The following TDRD9 variants were observed in gnomAD, a reference collection of about 807,000 sequenced individuals.
TDRD9 encodes tudor domain containing 9, also known as ATP-dependent RNA helicase TDRD9.
A neutral mutation model predicts 172.6 loss-of-function variants in TDRD9; 124 were observed. That is an observed-to-expected ratio of 0.72 (90% CI 0.62 to 0.83). The LOEUF is 0.83. Among genes scored for constraint, TDRD9 ranks in the 40% least tolerant of loss-of-function variants. The pLI, the probability that TDRD9 is intolerant of heterozygous loss-of-function variation, is 0.00. For missense variants in TDRD9, 1,479 were observed against 1,714.1 expected (o/e 0.86, Z 2.42); for synonymous variants, 619 against 617.1 (o/e 1.00, Z -0.05).
intron 9 of TDRD9, among the ~76,000 whole-genome samples, chr14:103,993,626 C>T (rs890151518): frequency 3.3e-5 from 5 of 152,210 alleles, no homozygotes; most frequent in Non-Finnish European, 5.9e-5. Flanking sequence ...CCTAGTGCTC[C>T]TTGACCTGTG....
intron 2 of TDRD9, among the ~76,000 whole-genome samples, chr14:103,962,533 C>T (rs933377320): frequency 6.6e-6 from 1 of 152,104 alleles, no homozygotes; most frequent in Non-Finnish European, 1.5e-5. Context: ...AGGTTTGTTA[C>T]AAGAGTATAT....
chr14:103,934,164 G>T (rs113111113), intron 1 of TDRD9, among the ~76,000 whole-genome samples: 3,481 of 152,122 alleles, frequency 0.023, 79 homozygotes, highest in East Asian at 0.071. Flanking sequence ...CTACAGGCAC[G>T]TGCCAGCATG....
chr14:103,965,272 A>G lies in TDRD9; in HGVS notation c.421-61A>G, dbSNP rs959287768. ...AATAAATCCTGAAAGACTTCTTAAT[A>G]TAGGTGATACTTTACATTGCCATTT... On this transcript the variant is annotated intron_variant, in intron 3 of 35. Transcript: ENST00000409874. 14 of 1,412,006 alleles carry G rather than the reference A, an allele frequency of 9.9e-6. No individual in the cohort carries two copies. The African/African-American group carries it at 2.0e-4, about 20-fold the overall frequency. 87.5% of individuals were successfully genotyped at this position (1,412,006 alleles called of 1,614,324 possible). A position where few individuals can be genotyped will look rare whatever the true frequency, so the allele number is the denominator to read the frequency against.
intron 1 of TDRD9, among the ~76,000 whole-genome samples, chr14:103,947,476 C>T (rs1003909847): frequency 7.9e-5 from 12 of 151,908 alleles, no homozygotes; most frequent in East Asian, 1.9e-4. Context: ...TACAGGCGCC[C>T]GCCACCACGC....
chr14:103,977,336 C>T (rs551527544), intron 7 of TDRD9, among the ~76,000 whole-genome samples: 8 of 151,528 alleles, frequency 5.3e-5, no homozygotes, highest in African/African-American at 1.7e-4. Flanking sequence ...CTAAAAATAA[C>T]CAAAAAATTA....
At chr14:103,974,718 G>A (rs2033166294) in intron 6 of TDRD9, among the ~76,000 whole-genome samples, 1 of 152,064 alleles carries the variant, frequency 6.6e-6, no homozygotes, top group Admixed American at 6.5e-5. Flanking sequence ...ATAGATCACT[G>A]CAGCCTCGAC....
At chr14:103,951,769 T>C (rs575108767) in intron 1 of TDRD9, among the ~76,000 whole-genome samples, 1 of 152,258 alleles carries the variant, frequency 6.6e-6, no homozygotes, top group South Asian at 2.1e-4. Flanking sequence ...TTTTTCTTTT[T>C]TCTTTTCTTT....
At chr14:103,970,859 A>G (rs139493478) in intron 6 of TDRD9, among the ~76,000 whole-genome samples, 2 of 152,374 alleles carry the variant, frequency 1.3e-5, no homozygotes, top group African/African-American at 4.8e-5. Flanking sequence ...TACTGAATAT[A>G]ATGTAAATGC....
intron 20 of TDRD9, 35 bp downstream of exon 20, chr14:104,008,501 A>G: frequency 7.7e-7 from 1 of 1,295,994 alleles, no homozygotes; most frequent in Non-Finnish European, 1.1e-6. Flanking sequence ...GGATGCAAAT[A>G]AAGTTGACTT....
chr14:103,929,200 TAC>T, intron 1 of TDRD9, among the ~76,000 whole-genome samples: 1 of 152,188 alleles, frequency 6.6e-6, no homozygotes, highest in Middle Eastern at 3.4e-3. Flanking sequence ...CGTCACGCAT[TAC>T]AGAGTTCACT....
chr14:104,048,743 G>C (rs944466464), intron 34 of TDRD9, among the ~76,000 whole-genome samples: 1 of 152,114 alleles, frequency 6.6e-6, no homozygotes, highest in East Asian at 1.9e-4. Flanking sequence ...TTTACCTCCT[G>C]AATAGTCTGG....
intron 14 of TDRD9, chr14:104,005,045 C>G: frequency 2.7e-6 from 1 of 366,354 alleles, no homozygotes; most frequent in Non-Finnish European, 4.9e-6. Flanking sequence ...TTTTCCTTCT[C>G]TTTTTTCTTC....
intron 23 of TDRD9, 135 bp from the exon 24 acceptor site, chr14:104,022,022 G>GATTA: frequency 3.0e-6 from 2 of 663,496 alleles, no homozygotes; most frequent in South Asian, 3.9e-5. Flanking sequence ...ACATGTTATT[G>GATTA]ATTAATTATA....
chr14:103,953,966 A>C (rs1309708909), intron 1 of TDRD9, among the ~76,000 whole-genome samples: 1 of 152,226 alleles, frequency 6.6e-6, no homozygotes. Flanking sequence ...TTTACCAGCT[A>C]TCTGGGCATC....
At chr14:103,956,844 C>G (rs1324210661) in intron 2 of TDRD9, among the ~76,000 whole-genome samples, 1 of 152,082 alleles carries the variant, frequency 6.6e-6, no homozygotes, top group Middle Eastern at 3.2e-3. Context: ...CTTACTAGCA[C>G]CAGGCCCTAT....
Position 103,941,510 on chromosome 14 carries a change from G to A in TDRD9, c.215+12786G>A, listed in dbSNP as rs148275888. ...GGGGATTCTGGTAGTTTCTGAGCCA[G>A]TTGTAATCCACACCTGTTTTTTTCA... On this transcript the variant is annotated intron_variant, in intron 1 of 35. Coordinates refer to ENST00000409874, the MANE Select transcript of TDRD9 (RefSeq NM_153046.3). 1,496 of 1,535,244 alleles carry A rather than the reference G, an allele frequency of 9.7e-4. 11 individuals carry two copies. The African/African-American group carries it at 0.018, about 18-fold the overall frequency.
chr14:103,969,911 C>T (rs186032335), intron 5 of TDRD9, among the ~76,000 whole-genome samples: 46 of 152,196 alleles, frequency 3.0e-4, no homozygotes, highest in African/African-American at 1.1e-3. Context: ...GAGGTGCTGC[C>T]TCCCTGACTG....
At chr14:104,004,798 C>T (rs1348124030) in intron 14 of TDRD9, among the ~76,000 whole-genome samples, 1 of 152,198 alleles carries the variant, frequency 6.6e-6, no homozygotes, top group African/African-American at 2.4e-5. Context: ...AGGCTACTGT[C>T]TAGGGCGTTA....
In TDRD9 at chr14:104,025,644, C is replaced by T. The variant is rs2035093160; in HGVS notation, c.2799C>T (p.Ile933=). ...TTCTGAAAAAGCTTACTGCTGAAAT[C>T]AACCAACTGACGCTGGTGCCCTTGC... ...SEILKKLTAE[I]NQLTLVPLPT... The change falls in exon 26 of 36, where the codon ATC becomes ATT. Residue 933 remains isoleucine (I), a synonymous_variant. Coordinates refer to ENST00000409874, the MANE Select transcript of TDRD9 (RefSeq NM_153046.3). 1.9e-6 allele frequency: 3 copies of T among 1,614,026 alleles called. No homozygotes were observed. Among genetic ancestry groups the T allele is most frequent in the Non-Finnish European group, 2.5e-6 (3 of 1,179,878 alleles).
Sources: gnomAD v4.1 joint callset for allele counts (sites outside exome capture counted in the v4.1 genomes callset) on GRCh38, gnomAD v4.1.1 for gene constraint, MANE v1.5 for transcripts, NCBI Gene and HGNC (gene_info 2026-07-23, HGNC 2026-07-21) for gene names.